CNTN6: variants seen among roughly 807,000 people sequenced by gnomAD.
CNTN6 encodes the protein contactin 6, also known as contactin-6.
In CNTN6, 137 loss-of-function variants were observed where a neutral mutation model predicts 122.8. The ratio of observed to expected loss-of-function variants is 1.12; its 90% CI spans 0.97 to 1.29. The LOEUF (loss-of-function observed/expected upper bound fraction) is 1.29. Ranked by LOEUF, CNTN6 falls within the 50% of genes most tolerant of loss-of-function variation. The pLI, the probability that CNTN6 is intolerant of heterozygous loss-of-function variation, is 0.00. For synonymous variants in CNTN6, 570 were observed against 426.0 expected (o/e 1.34, Z -4.16); for missense variants, 1,634 against 1,223.4 (o/e 1.34, Z -5.01).
At chr3:1,134,618 A>C (rs2092425125) in intron 1 of CNTN6, among the ~76,000 whole-genome samples, 1 of 152,170 alleles carries the variant, frequency 6.6e-6, no homozygotes, top group African/African-American at 2.4e-5. Context: ...AAGAATATGA[A>C]GAATTTATCC....
chr3:1,305,452 G>A (rs1462284537), intron 7 of CNTN6, among the ~76,000 whole-genome samples: 1 of 152,108 alleles, frequency 6.6e-6, no homozygotes, highest in Non-Finnish European at 1.5e-5. Flanking sequence ...TGTTTAACAT[G>A]GTGGACTCTT....
chr3:1,244,231 G>T (rs567055219), intron 4 of CNTN6, among the ~76,000 whole-genome samples: 2 of 152,182 alleles, frequency 1.3e-5, no homozygotes, highest in South Asian at 2.1e-4. Context: ...GAAGAAGGAG[G>T]AATGGAGGGT....
At chr3:1,138,060 A>G (rs2092523938) in intron 1 of CNTN6, among the ~76,000 whole-genome samples, 1 of 152,096 alleles carries the variant, frequency 6.6e-6, no homozygotes, top group Non-Finnish European at 1.5e-5. Flanking sequence ...ATTTCTTTTC[A>G]CTGACCCTCA....
intron 2 of CNTN6, among the ~76,000 whole-genome samples, chr3:1,200,863 AGGGC>A (rs2093853801): frequency 6.6e-6 from 1 of 151,390 alleles, no homozygotes; most frequent in Non-Finnish European, 1.5e-5. Flanking sequence ...TATTTCTCTC[AGGGC>A]ATATGCATTT....
chr3:1,387,302 T>C (rs1676177102), intron 20 of CNTN6, among the ~76,000 whole-genome samples: 1 of 152,196 alleles, frequency 6.6e-6, no homozygotes, highest in African/African-American at 2.4e-5. Context: ...CTGTGAGTTA[T>C]TTTCAAGAAT....
intron 2 of CNTN6, among the ~76,000 whole-genome samples, chr3:1,169,096 A>G (rs1344847378): frequency 6.6e-6 from 1 of 152,142 alleles, no homozygotes; most frequent in African/African-American, 2.4e-5. Context: ...GAAATGAGGA[A>G]GAAGGAAGGG....
intron 20 of CNTN6, among the ~76,000 whole-genome samples, chr3:1,388,320 A>G (rs578189808): frequency 1.5e-4 from 22 of 146,496 alleles, no homozygotes; most frequent in South Asian, 2.2e-4. Context: ...CTCACACGGC[A>G]GGGTATGCCA....
intron 1 of CNTN6, among the ~76,000 whole-genome samples, chr3:1,135,398 G>T (rs963674627): frequency 6.6e-6 from 1 of 152,098 alleles, no homozygotes; most frequent in African/African-American, 2.4e-5. Context: ...TTGTCCAGGG[G>T]CTGGGTGGGG....
chr3:1,101,623 T>C (rs2090902040), intron 1 of CNTN6, among the ~76,000 whole-genome samples: 1 of 152,198 alleles, frequency 6.6e-6, no homozygotes, highest in Admixed American at 6.5e-5. Flanking sequence ...TTGCTAATTT[T>C]TTTCTGGAAA....
At chr3:1,385,542 T>G in intron 19 of CNTN6, 69 bp from the exon 20 acceptor site, 2 of 1,268,554 alleles carry the variant, frequency 1.6e-6, no homozygotes, top group Non-Finnish European at 2.2e-6. Context: ...TGGTTGATAG[T>G]TGTTGGTAAA....
At chr3:1,227,374 C>T (rs553341376) in intron 3 of CNTN6, among the ~76,000 whole-genome samples, 5 of 152,220 alleles carry the variant, frequency 3.3e-5, no homozygotes, top group South Asian at 2.1e-4. Flanking sequence ...CCTGAATTGG[C>T]GTTGTAAAAT....
chr3:1,240,824 TGCACCTTCAC>T (rs1219100847), intron 4 of CNTN6, among the ~76,000 whole-genome samples: 4 of 152,102 alleles, frequency 2.6e-5, no homozygotes, highest in African/African-American at 9.7e-5. Context: ...AATAAACCCA[TGCACCTTCAC>T]GTGGGTGCAG....
rs568463929 is a variant in CNTN6 at position 1,198,039 on chromosome 3, G to A, written c.56-22648G>A. On this transcript the variant is annotated intron_variant, in intron 2 of 22. Transcript: ENST00000446702. ...CTCTTTCCACTGGACTTTGTGAGAT[G>A]TGTCTAGTTGTACTAGAGTTCAGGC... Among the ~76,000 whole-genome samples, 13 of 152,306 alleles carry A rather than the reference G, an allele frequency of 8.5e-5. 2 individuals carry two copies. The South Asian group carries it at 1.9e-3, about 22-fold the overall frequency.
chr3:1,289,666 G>C (rs1048164218), intron 5 of CNTN6, among the ~76,000 whole-genome samples: 1 of 106,646 alleles, frequency 9.4e-6, no homozygotes, highest in Non-Finnish European at 1.7e-5. Flanking sequence ...GTTTTGTTTT[G>C]TTTTTTTGGG....
At chr3:1,235,401 C>T (rs950575037) in intron 4 of CNTN6, among the ~76,000 whole-genome samples, 2 of 151,596 alleles carry the variant, frequency 1.3e-5, no homozygotes, top group Middle Eastern at 3.2e-3. Context: ...ATTACAGTGA[C>T]ATTTTTTGCA....
At chr3:1,138,172 C>T (rs2125127032) in intron 1 of CNTN6, among the ~76,000 whole-genome samples, 1 of 152,290 alleles carries the variant, frequency 6.6e-6, no homozygotes, top group Non-Finnish European at 1.5e-5. Flanking sequence ...CGGAAGAGAA[C>T]ACAATCCCTC....
chr3:1,240,410 A>G (rs904676269), intron 4 of CNTN6, among the ~76,000 whole-genome samples: 1 of 152,260 alleles, frequency 6.6e-6, no homozygotes, highest in Non-Finnish European at 1.5e-5. Flanking sequence ...GCAAGCAAGC[A>G]CAAATGGGAA....
chr3:1,383,945 G>A (rs951931533), intron 19 of CNTN6, among the ~76,000 whole-genome samples: 1 of 152,214 alleles, frequency 6.6e-6, no homozygotes, highest in Non-Finnish European at 1.5e-5. Context: ...TGGTGGTTGT[G>A]TCTTATGGAG....
chr3:1,334,635 G>C lies in CNTN6; in HGVS notation c.1364+4700G>C, dbSNP rs73819710. On this transcript the variant is annotated intron_variant, in intron 11 of 22. Coordinates refer to ENST00000446702, the MANE Select transcript of CNTN6 (RefSeq NM_001289080.2). ...CCAAACACGGCAATTGCTGTGAACT[G>C]TCAAAACAGCTAAAATGATTTGGTT... is the stretch of plus-strand genomic sequence containing the variant. Among the ~76,000 whole-genome samples, 1,076 of 152,122 alleles carry C rather than the reference G, an allele frequency of 7.1e-3. 10 individuals are homozygous for C. The highest frequency in any genetic ancestry group is 0.023 in the African/African-American group (970 of 41,530).
Sources: allele counts gnomAD v4.1 joint callset (sites outside exome capture counted in the v4.1 genomes callset), GRCh38; gene constraint gnomAD v4.1.1; transcripts MANE v1.5; gene names NCBI Gene and HGNC (gene_info 2026-07-23, HGNC 2026-07-21).